Variants in TIPARP observed in about 807,000 individuals in gnomAD.
TIPARP encodes the protein protein mono-ADP-ribosyltransferase TIPARP.
In TIPARP, 12 loss-of-function variants were observed where a neutral mutation model predicts 56.5. That is an observed-to-expected ratio of 0.21 (90% CI 0.14 to 0.34). The LOEUF (loss-of-function observed/expected upper bound fraction) is 0.34. TIPARP is among the 10% of genes least tolerant of loss of function. The pLI, the probability that TIPARP is intolerant of heterozygous loss-of-function variation, is 1.00. For synonymous variants in TIPARP, 296 were observed against 265.7 expected, an observed-to-expected ratio of 1.11 and a Z score of -1.11; for missense variants, 604 against 781.6, an observed-to-expected ratio of 0.77 and a Z score of 2.71.
At chr3:156,691,570 A>G (rs929260393) in intron 2 of TIPARP, among the ~76,000 whole-genome samples, 3 of 152,178 alleles carry the variant, frequency 2.0e-5, no homozygotes, top group Admixed American at 2.0e-4. Context: ...TTCTGATAAT[A>G]GGAAGCAATA....
chr3:156,687,277 C>A (rs1279048704), intron 2 of TIPARP, among the ~76,000 whole-genome samples: 1 of 152,146 alleles, frequency 6.6e-6, no homozygotes, highest in Non-Finnish European at 1.5e-5. Flanking sequence ...ATTTCTGGTA[C>A]CTTCATGATG....
At chr3:156,685,657 C>G (rs894854687) in intron 2 of TIPARP, among the ~76,000 whole-genome samples, 1 of 152,330 alleles carries the variant, frequency 6.6e-6, no homozygotes, top group Admixed American at 6.5e-5. Flanking sequence ...ACCACACTTA[C>G]AAGAATTTCT....
rs1415642157 is a variant in TIPARP, at chr3:156,706,173, A to G, written c.*1042A>G. On this transcript the variant is annotated 3_prime_UTR_variant, in exon 6 of 6. Coordinates refer to ENST00000295924, the MANE Select transcript of TIPARP (RefSeq NM_015508.5). ...ACTCTGTACCTTACTTACACTACTT[A>G]CTTAATAGAAACACAAACTTGGAAA... The G allele has an allele frequency of 6.6e-6, 1 of 152,618 alleles. No individual in the cohort carries two copies. Among genetic ancestry groups the G allele is most frequent in the Non-Finnish European group, 1.5e-5 (1 of 68,040 alleles). The allele number at this position is 152,618 out of a possible 1,614,324, so 9.5% of individuals were successfully genotyped here. A position where few individuals can be genotyped will look rare whatever the true frequency, so the allele number is the denominator to read the frequency against.
At chr3:156,676,486 A>G (rs1056267247) in intron 1 of TIPARP, among the ~76,000 whole-genome samples, 1 of 152,226 alleles carries the variant, frequency 6.6e-6, no homozygotes, top group Middle Eastern at 3.2e-3. Flanking sequence ...AGCATTTAAT[A>G]TGTGCTTTTC....
At chr3:156,697,930 A>G (rs1301437806) in intron 4 of TIPARP, among the ~76,000 whole-genome samples, 2 of 152,200 alleles carry the variant, frequency 1.3e-5, no homozygotes, top group East Asian at 3.8e-4. Context: ...GTGCCTTAAC[A>G]TTAGCCAAGT....
intron 2 of TIPARP, among the ~76,000 whole-genome samples, chr3:156,688,372 C>CA (rs56676116): frequency 2.1e-3 from 172 of 83,832 alleles, no homozygotes; most frequent in East Asian, 4.7e-3. Context: ...GACCCTATCT[C>CA]AAAAAAAAAA....
intron 2 of TIPARP, among the ~76,000 whole-genome samples, chr3:156,688,348 C>A (rs936510634): frequency 3.6e-4 from 51 of 142,606 alleles, no homozygotes; most frequent in African/African-American, 1.3e-3. Flanking sequence ...TGTACTCCAG[C>A]CTGGGTGACA....
At chr3:156,677,004 T>C (rs1722147051) in intron 1 of TIPARP, among the ~76,000 whole-genome samples, 1 of 152,154 alleles carries the variant, frequency 6.6e-6, no homozygotes, top group Non-Finnish European at 1.5e-5. Context: ...GAAGCGGTAA[T>C]GTTTTTGGGG....
chr3:156,676,954 A>G (rs890494985), intron 1 of TIPARP, among the ~76,000 whole-genome samples: 1 of 152,178 alleles, frequency 6.6e-6, no homozygotes, highest in Non-Finnish European at 1.5e-5. Context: ...GTTGTTGCTA[A>G]TGGGGCTTCT....
At chr3:156,701,122 G>A (rs1014530604) in intron 4 of TIPARP, among the ~76,000 whole-genome samples, 38 of 152,154 alleles carry the variant, frequency 2.5e-4, no homozygotes, top group Non-Finnish European at 4.7e-4. Flanking sequence ...TTAAAAGTAA[G>A]CATCTATGGG....
At chr3:156,679,205 T>A (rs1452256241) in intron 2 of TIPARP, among the ~76,000 whole-genome samples, 1 of 148,596 alleles carries the variant, frequency 6.7e-6, no homozygotes, top group Non-Finnish European at 1.5e-5. Flanking sequence ...TTTAGGGTAT[T>A]TTTTTTTTAA....
chr3:156,686,057 T>C (rs1722420165), intron 2 of TIPARP, among the ~76,000 whole-genome samples: 1 of 152,182 alleles, frequency 6.6e-6, no homozygotes, highest in Non-Finnish European at 1.5e-5. Flanking sequence ...GTTTGCCTTC[T>C]AAGGTTTAAT....
At chr3:156,697,995 C>T (rs1327398690) in intron 4 of TIPARP, among the ~76,000 whole-genome samples, 1 of 152,158 alleles carries the variant, frequency 6.6e-6, no homozygotes, top group Non-Finnish European at 1.5e-5. Flanking sequence ...CTCTGGTAAG[C>T]ACACGAATTA....
chr3:156,683,568 CAAAA>C (rs552029075), intron 2 of TIPARP, among the ~76,000 whole-genome samples: 1 of 144,170 alleles, frequency 6.9e-6, no homozygotes, highest in African/African-American at 2.5e-5. Context: ...AGTGGGCATG[CAAAA>C]AAAAAAATGC....
intron 2 of TIPARP, among the ~76,000 whole-genome samples, chr3:156,683,116 ATTC>A (rs1559971853): frequency 6.6e-6 from 1 of 152,178 alleles, no homozygotes; most frequent in Non-Finnish European, 1.5e-5. Context: ...GGTTGGGGTC[ATTC>A]TTTTCCTGAT....
intron 2 of TIPARP, among the ~76,000 whole-genome samples, chr3:156,686,655 T>C (rs1722435556): frequency 6.6e-6 from 1 of 152,206 alleles, no homozygotes; most frequent in Non-Finnish European, 1.5e-5. Flanking sequence ...TAGAAAATTC[T>C]GAGTAAAAAC....
chr3:156,692,721 T>C (rs576800957), intron 2 of TIPARP, among the ~76,000 whole-genome samples: 8 of 152,280 alleles, frequency 5.3e-5, no homozygotes, highest in African/African-American at 1.7e-4. Context: ...ATGGCAAATA[T>C]TTGTATAATC....
chr3:156,687,187 A>G (rs1722451790), intron 2 of TIPARP, among the ~76,000 whole-genome samples: 1 of 152,196 alleles, frequency 6.6e-6, no homozygotes, highest in African/African-American at 2.4e-5. Context: ...GCTATGGTTG[A>G]GAAGTATGTC....
chr3:156,700,244 A>G (rs996266870), intron 4 of TIPARP, among the ~76,000 whole-genome samples: 3 of 152,006 alleles, frequency 2.0e-5, no homozygotes, highest in African/African-American at 7.2e-5. Context: ...AGTAGCTGGG[A>G]CTTACAGGTG....
Sources: gnomAD v4.1 joint callset for allele counts (sites outside exome capture counted in the v4.1 genomes callset) on GRCh38, gnomAD v4.1.1 for gene constraint, MANE v1.5 for transcripts, NCBI Gene and HGNC (gene_info 2026-07-23, HGNC 2026-07-21) for gene names.